The following SPTBN1 variants were observed in gnomAD, a reference collection of about 807,000 sequenced individuals.
The protein encoded by SPTBN1 is spectrin beta chain, non-erythrocytic 1.
A neutral mutation model predicts 266.4 loss-of-function variants in SPTBN1; 32 were observed. That is an observed-to-expected ratio of 0.12 (90% CI 0.09 to 0.16). The LOEUF (loss-of-function observed/expected upper bound fraction) is 0.16. Among genes scored for constraint, SPTBN1 ranks in the 10% least tolerant of loss-of-function variants. SPTBN1 has a pLI of 1.00. For synonymous variants in SPTBN1, 1,336 were observed against 1,162.2 expected, an observed-to-expected ratio of 1.15 and a Z score of -3.04; for missense variants, 2,296 against 3,067.1, an observed-to-expected ratio of 0.75 and a Z score of 5.94.
chr2:54,567,916 C>T (rs942737650), intron 2 of SPTBN1, among the ~76,000 whole-genome samples: 1 of 151,990 alleles, frequency 6.6e-6, no homozygotes, highest in East Asian at 1.9e-4. Flanking sequence ...ACATAACCTC[C>T]TAGAATTTTG....
chr2:54,668,657 C>G lies in SPTBN1; in HGVS notation c.*88C>G, dbSNP rs1289526628. 1 of 1,269,790 alleles carries G rather than the reference C, an allele frequency of 7.9e-7. No individual in the cohort carries two copies. Among genetic ancestry groups the G allele is most frequent in the African/African-American group, 1.5e-5 (1 of 65,880 alleles). 78.7% of individuals were successfully genotyped at this position (1,269,790 alleles called of 1,614,324 possible). A position where few individuals can be genotyped will look rare whatever the true frequency, so the allele number is the denominator to read the frequency against. On this transcript the variant is annotated 3_prime_UTR_variant, in exon 36 of 36. Coordinates refer to ENST00000356805, the MANE Select transcript of SPTBN1 (RefSeq NM_003128.3). ...CAGAACCAACACATTACTCTCTGTG[C>G]CTAATGTTCCTCAATGTGGTTGATT...
rs1260851790 is a variant in SPTBN1 at position 54,558,808 on chromosome 2, C to T, written c.148+32242C>T. The T allele has an allele frequency of 1.2e-6, 2 of 1,613,712 alleles. No homozygotes were observed. The highest frequency in any genetic ancestry group is 1.1e-5 in the South Asian group (1 of 91,046). ...AATTGCAGAGGACGTCTAGTATCTC[C>T]GGGCCGCTGTCGCCGGCGTACACGG... is the stretch of plus-strand genomic sequence containing the variant. On this transcript the variant is annotated intron_variant, in intron 2 of 35. Transcript: ENST00000356805. The surrounding 1 kb of genome is among the most constrained non-coding windows in gnomAD (Gnocchi z 4.6).
At chr2:54,584,751 G>A (rs1675170698) in intron 2 of SPTBN1, among the ~76,000 whole-genome samples, 1 of 152,174 alleles carries the variant, frequency 6.6e-6, no homozygotes, top group African/African-American at 2.4e-5. Context: ...AAATCAGCAA[G>A]AGCAAGAAGC....
chr2:54,511,874 A>T (rs1471332408), intron 1 of SPTBN1, among the ~76,000 whole-genome samples: 8 of 152,016 alleles, frequency 5.3e-5, no homozygotes, highest in East Asian at 1.9e-4. Context: ...CCATCTCAAA[A>T]AATAATAATA....
intron 2 of SPTBN1, among the ~76,000 whole-genome samples, chr2:54,579,452 C>T (rs1000267920): frequency 6.6e-6 from 1 of 152,118 alleles, no homozygotes; most frequent in African/African-American, 2.4e-5. Context: ...TTCACACTCA[C>T]CCATAGGGAC....
chr2:54,537,700 C>T (rs1671691837), intron 2 of SPTBN1, among the ~76,000 whole-genome samples: 1 of 152,214 alleles, frequency 6.6e-6, no homozygotes, highest in Admixed American at 6.5e-5. Flanking sequence ...TTTCATCTCT[C>T]CATCTCTTGT....
At chr2:54,460,312 G>T (rs909481133) in intron 1 of SPTBN1, among the ~76,000 whole-genome samples, 1 of 151,938 alleles carries the variant, frequency 6.6e-6, no homozygotes, top group African/African-American at 2.4e-5. Flanking sequence ...CCTTGATGGT[G>T]GTGACAAAAG....
intron 2 of SPTBN1, among the ~76,000 whole-genome samples, chr2:54,573,779 C>G (rs186554875): frequency 6.6e-6 from 1 of 152,172 alleles, no homozygotes; most frequent in African/African-American, 2.4e-5. Context: ...GCTCTTTGCT[C>G]AGGCACTAGG....
intron 1 of SPTBN1, among the ~76,000 whole-genome samples, chr2:54,489,151 TA>T (rs66488966): frequency 0.41 from 47,615 of 115,984 alleles, 9,736 homozygotes; most frequent in African/African-American, 0.5. Flanking sequence ...GGTCTGTATT[TA>T]AAAAAAAAAA....
At chr2:54,550,141 G>C (rs1182279383) in intron 2 of SPTBN1, among the ~76,000 whole-genome samples, 1 of 152,210 alleles carries the variant, frequency 6.6e-6, no homozygotes, top group Non-Finnish European at 1.5e-5. Context: ...GTGTTTTATG[G>C]TGTCTGTAAA....
At chr2:54,638,262 T>C (rs1426403879) in intron 18 of SPTBN1, among the ~76,000 whole-genome samples, 1 of 152,258 alleles carries the variant, frequency 6.6e-6, no homozygotes, top group Non-Finnish European at 1.5e-5. Flanking sequence ...CCTAGAATAT[T>C]GTGCAACCTA....
At chr2:54,597,403 A>G (rs1676159050) in intron 2 of SPTBN1, among the ~76,000 whole-genome samples, 1 of 152,110 alleles carries the variant, frequency 6.6e-6, no homozygotes, top group Non-Finnish European at 1.5e-5. Flanking sequence ...CTGCTTCTCC[A>G]CTGCAGCCTG....
chr2:54,649,202 A>AG lies in SPTBN1; in HGVS notation c.5202+14dup. The AG allele has an allele frequency of 6.3e-7, 1 of 1,589,212 alleles. No homozygotes were observed. Among genetic ancestry groups the AG allele is most frequent in the Non-Finnish European group, 8.6e-7 (1 of 1,162,018 alleles). On this transcript the variant is annotated intron_variant, in intron 25 of 35. Coordinates refer to ENST00000356805, the MANE Select transcript of SPTBN1 (RefSeq NM_003128.3). This position sits in a 1 kb window ranked among gnomAD's most constrained non-coding sequence, Gnocchi z 6.7. Reference sequence around the variant, plus strand: ...ATGAGCATGTCACGGCAAGTACTTGAGGCAGTGCATGAGTTGGTTGTGCAG... The same window carrying AG: ...ATGAGCATGTCACGGCAAGTACTTGAGGGCAGTGCATGAGTTGGTTGTGCAG...
At chr2:54,490,104 G>A (rs1306032081) in intron 1 of SPTBN1, among the ~76,000 whole-genome samples, 3 of 150,170 alleles carry the variant, frequency 2.0e-5, no homozygotes, top group East Asian at 1.9e-4. Context: ...TTTGTGAGGC[G>A]GAGTTGCACT....
Position 54,668,406 on chromosome 2 carries a change from A to G in SPTBN1, c.6932A>G (p.His2311Arg). The change falls in exon 36 of 36, where the codon CAC becomes CGC. Residue 2311 changes from histidine (H) to arginine (R), a missense_variant. Around this residue, in one of 12 missense-constraint regions of SPTBN1, gnomAD observed 347 missense variants for 368.5 expected, o/e 0.94. Coordinates refer to ENST00000356805, the MANE Select transcript of SPTBN1 (RefSeq NM_003128.3). ...AISSAISSDK[H>R]EVSASTQSTP... is the part of the protein sequence containing the mutation. Reference sequence around the variant, plus strand: ...TCTTCCGCCATCTCCTCTGATAAACACGAGGTGTCTGCCAGCACCCAGAGC... The same window carrying G: ...TCTTCCGCCATCTCCTCTGATAAACGCGAGGTGTCTGCCAGCACCCAGAGC... 2 of 1,614,158 alleles carry G rather than the reference A, an allele frequency of 1.2e-6. No individual in the cohort carries two copies. Among genetic ancestry groups the G allele is most frequent in the Non-Finnish European group, 1.7e-6 (2 of 1,180,022 alleles).
At position 54,667,495 on chromosome 2, in the gene SPTBN1, C is replaced by T. The variant is rs1340813922; in HGVS notation, c.6834-109C>T. The T allele has an allele frequency of 9.6e-6, 10 of 1,039,798 alleles. No homozygotes were observed. The Admixed American group carries it at 2.0e-4, about 21-fold the overall frequency. 64.4% of individuals were successfully genotyped at this position (1,039,798 alleles called of 1,614,324 possible). A position where few individuals can be genotyped will look rare whatever the true frequency, so the allele number is the denominator to read the frequency against. On this transcript the variant is annotated intron_variant, in intron 34 of 35. Coordinates refer to ENST00000356805, the MANE Select transcript of SPTBN1 (RefSeq NM_003128.3). ...TGGTGACATATGTAGGTTGACGCTT[C>T]TGTTGTGACTCCTGTGGTCTACTTC...
intron 2 of SPTBN1, among the ~76,000 whole-genome samples, chr2:54,589,674 A>G (rs1265571839): frequency 6.6e-6 from 1 of 152,256 alleles, no homozygotes; most frequent in Non-Finnish European, 1.5e-5. Context: ...AGGCCTTCAG[A>G]CTAGTCCGTC....
chr2:54,665,669 A>G (rs957019444), intron 33 of SPTBN1, among the ~76,000 whole-genome samples: 1 of 152,182 alleles, frequency 6.6e-6, no homozygotes, highest in Non-Finnish European at 1.5e-5. Flanking sequence ...CTCCGAAGTG[A>G]AAGAGAAGAC....
chr2:54,556,258 G>A (rs1020460623), intron 2 of SPTBN1, among the ~76,000 whole-genome samples: 5 of 152,034 alleles, frequency 3.3e-5, no homozygotes, highest in African/African-American at 7.3e-5. Flanking sequence ...TCTTATCCCC[G>A]TGGGGTTATT....
Sources: gnomAD v4.1 joint callset for allele counts (sites outside exome capture counted in the v4.1 genomes callset) on GRCh38, gnomAD v4.1.1 for gene constraint, gnomAD v4.1.1 regional missense constraint, Gnocchi (gnomAD v3.1) non-coding constraint, MANE v1.5 for transcripts, NCBI Gene and HGNC (gene_info 2026-07-23, HGNC 2026-07-21) for gene names.